PHLDB2: variants seen among roughly 807,000 people sequenced by gnomAD.
PHLDB2 encodes pleckstrin homology like domain family B member 2.
Under a neutral mutation model 123.6 loss-of-function variants are expected in PHLDB2, and 71 were observed. The observed-to-expected ratio is 0.57, with a 90% CI of 0.47 to 0.70. The LOEUF is 0.70. PHLDB2 is among the 30% of genes least tolerant of loss of function. PHLDB2 has a pLI of 0.00. For missense variants in PHLDB2, 1,446 were observed against 1,519.5 expected (o/e 0.95, Z 0.80); for synonymous variants, 547 against 541.6 (o/e 1.01, Z -0.14).
chr3:111,951,179 A>C (rs1466618986), intron 10 of PHLDB2, among the ~76,000 whole-genome samples: 2 of 152,206 alleles, frequency 1.3e-5, no homozygotes, highest in Admixed American at 6.5e-5. Context: ...GCCAAACTGC[A>C]AAGTATTATT....
chr3:111,937,674 G>T (rs1479424021), intron 6 of PHLDB2, among the ~76,000 whole-genome samples: 2 of 151,938 alleles, frequency 1.3e-5, no homozygotes, highest in Non-Finnish European at 2.9e-5. Flanking sequence ...TACTTGGGAG[G>T]TTGAGGCAGG....
In PHLDB2 at chr3:111,885,679, A is replaced by G. The variant is rs531075562; in HGVS notation, c.1335+267A>G. 9 of 637,676 alleles carry G rather than the reference A, an allele frequency of 1.4e-5. No individual in the cohort carries two copies. In the East Asian group the frequency reaches 2.2e-4, roughly 15 times the overall value. The allele number at this position is 637,676 out of a possible 1,614,324, so 39.5% of individuals were successfully genotyped here. On this transcript the variant is annotated intron_variant, in intron 2 of 17. Transcript: ENST00000431670. ...TCACAAGTATAAATTCTTTAAAAACATAACAGAGGAGTTGGGAATTTTATG... is the reference window on the plus strand; with the variant it reads ...TCACAAGTATAAATTCTTTAAAAACGTAACAGAGGAGTTGGGAATTTTATG...
intron 1 of PHLDB2, among the ~76,000 whole-genome samples, chr3:111,788,242 T>G (rs1257143101): frequency 1.3e-5 from 2 of 152,186 alleles, no homozygotes; most frequent in Non-Finnish European, 1.5e-5. Flanking sequence ...TTCAAAGCAG[T>G]AATTTGGATA....
intron 6 of PHLDB2, among the ~76,000 whole-genome samples, chr3:111,935,400 A>G (rs2107583328): frequency 6.6e-6 from 1 of 152,268 alleles, no homozygotes; most frequent in East Asian, 1.9e-4. Flanking sequence ...TGGACAAGTC[A>G]TTCAACTTCT....
chr3:111,827,962 C>A (rs1435760678), intron 1 of PHLDB2, among the ~76,000 whole-genome samples: 3 of 152,142 alleles, frequency 2.0e-5, no homozygotes, highest in African/African-American at 7.2e-5. Flanking sequence ...ATAAAGCTGA[C>A]AAAGGAGGGT....
chr3:111,926,849 A>G (rs1219093910), intron 5 of PHLDB2, among the ~76,000 whole-genome samples: 2 of 152,220 alleles, frequency 1.3e-5, no homozygotes, highest in Admixed American at 6.5e-5. Flanking sequence ...AAATAGTAAC[A>G]TGTTTGATTA....
intron 1 of PHLDB2, among the ~76,000 whole-genome samples, chr3:111,761,456 A>G (rs2059992968): frequency 1.3e-5 from 2 of 152,346 alleles, no homozygotes; most frequent in African/African-American, 4.8e-5. Context: ...GAAATTTATC[A>G]CACAAGATGG....
At chr3:111,775,708 G>T (rs1007746945) in intron 1 of PHLDB2, among the ~76,000 whole-genome samples, 5 of 152,170 alleles carry the variant, frequency 3.3e-5, no homozygotes, top group South Asian at 2.1e-4. Flanking sequence ...ATAAAATTTT[G>T]GCTTAAAGTT....
Position 111,969,706 on chromosome 3 carries a change from G to A in PHLDB2, c.3332G>A (p.Arg1111His), listed in dbSNP as rs561310661. 51 of 1,613,836 alleles carry A rather than the reference G, an allele frequency of 3.2e-5. No individual in the cohort carries two copies. The highest frequency in any genetic ancestry group is 7.7e-5 in the South Asian group (7 of 91,066). Residue 1111 changes from arginine to histidine, a missense_variant, in exon 16 of 18, where the codon CGC (arginine) becomes CAC (histidine). Arg to His is a conservative substitution (Grantham distance 29). This residue lies in a region of PHLDB2 where 594 missense variants were observed against 646.0 expected (regional missense o/e 0.92). Transcript: ENST00000431670. ...CTTTTCCAGGCTCGTCCTTTGACAC[G>A]CTACCTGCCTGTCCGGAAGGAAGAC... is the stretch of plus-strand genomic sequence containing the variant. ...RQRAQARPLT[R>H]YLPVRKEDFD...
At chr3:111,904,826 TGAGA>T (rs2067419343) in intron 2 of PHLDB2, among the ~76,000 whole-genome samples, 1 of 152,148 alleles carries the variant, frequency 6.6e-6, no homozygotes, top group South Asian at 2.1e-4. Flanking sequence ...TTGGAAAGAC[TGAGA>T]GACTCTCCTC....
At chr3:111,776,245 C>T (rs13321524) in intron 1 of PHLDB2, among the ~76,000 whole-genome samples, 40,675 of 151,994 alleles carry the variant, frequency 0.27, 6,899 homozygotes, top group African/African-American at 0.48. Flanking sequence ...CCTTGAGTCC[C>T]ATTCCACATC....
At chr3:111,744,982 A>G (rs115295615) in intron 1 of PHLDB2, among the ~76,000 whole-genome samples, 335 of 152,338 alleles carry the variant, frequency 2.2e-3, no homozygotes, top group Non-Finnish European at 3.7e-3. Flanking sequence ...AACTAGCTCC[A>G]TGGCTTTTGA....
At chr3:111,841,597 C>T (rs974397843) in intron 1 of PHLDB2, among the ~76,000 whole-genome samples, 21 of 152,244 alleles carry the variant, frequency 1.4e-4, no homozygotes, top group African/African-American at 4.6e-4. Flanking sequence ...TAAAGAGATG[C>T]GTTTTCTCTG....
intron 1 of PHLDB2, among the ~76,000 whole-genome samples, chr3:111,864,059 A>G (rs975124159): frequency 3.9e-5 from 6 of 152,206 alleles, no homozygotes; most frequent in African/African-American, 1.4e-4. Flanking sequence ...AAAACCTCTG[A>G]AAAGTGTTAA....
At chr3:111,961,804 T>A (rs2071427105) in intron 12 of PHLDB2, 3 of 334,702 alleles carry the variant, frequency 9.0e-6, no homozygotes, top group Non-Finnish European at 5.4e-6. Context: ...GGCCTTTGAT[T>A]GTGTTTCTGT....
chr3:111,766,689 T>C (rs572304158), intron 1 of PHLDB2, among the ~76,000 whole-genome samples: 1 of 152,240 alleles, frequency 6.6e-6, no homozygotes, highest in Admixed American at 6.5e-5. Flanking sequence ...TACTGGACCC[T>C]TACTAGGTAG....
At chr3:111,820,043 T>C (rs370570573) in intron 1 of PHLDB2, among the ~76,000 whole-genome samples, 108 of 152,314 alleles carry the variant, frequency 7.1e-4, no homozygotes, top group African/African-American at 2.5e-3. Flanking sequence ...GGTCAAACCA[T>C]CCTTGCCCTA....
chr3:111,919,965 A>G (rs1033193097), intron 4 of PHLDB2, among the ~76,000 whole-genome samples: 5 of 152,106 alleles, frequency 3.3e-5, no homozygotes, highest in South Asian at 2.1e-4. Flanking sequence ...GGCTGCTCCC[A>G]TGGTGGTTTG....
intron 3 of PHLDB2, chr3:111,915,802 A>C (rs1004962385): frequency 6.6e-6 from 1 of 152,268 alleles, no homozygotes. Context: ...TGAACAGGAC[A>C]TCTGTTTCTG....
Sources: allele counts gnomAD v4.1 joint callset (sites outside exome capture counted in the v4.1 genomes callset), GRCh38; gene constraint gnomAD v4.1.1; regional missense constraint gnomAD v4.1.1; transcripts MANE v1.5; gene names NCBI Gene and HGNC (gene_info 2026-07-23, HGNC 2026-07-21).